The following RASA1 variants were observed in gnomAD, a reference collection of about 807,000 sequenced individuals.
The protein encoded by RASA1 is RAS p21 protein activator 1.
Under a neutral mutation model 132.2 loss-of-function variants are expected in RASA1, and 25 were observed. The ratio of observed to expected loss-of-function variants is 0.19; its 90% CI spans 0.14 to 0.26. RASA1 has a LOEUF of 0.26. Ranked by LOEUF, RASA1 falls within the 10% of genes least tolerant of loss-of-function variation. RASA1 has a pLI of 1.00. For missense variants in RASA1, 964 were observed against 1,299.2 expected (o/e 0.74, Z 3.97); for synonymous variants, 477 against 449.9 (o/e 1.06, Z -0.76).
intron 1 of RASA1, among the ~76,000 whole-genome samples, chr5:87,303,424 T>A (rs923143440): frequency 6.6e-6 from 1 of 152,084 alleles, no homozygotes; most frequent in African/African-American, 2.4e-5. Context: ...CTTAAATAAT[T>A]CTTCTCAGTC....
At chr5:87,376,123 T>C in intron 15 of RASA1, 5 of 483,298 alleles carry the variant, frequency 1.0e-5, no homozygotes, top group South Asian at 8.6e-5. Flanking sequence ...TGAAACATAA[T>C]TGATTTCTTG....
chr5:87,286,837 TACCATATATATATAC>T (rs1754588172), intron 1 of RASA1, among the ~76,000 whole-genome samples: 1 of 149,826 alleles, frequency 6.7e-6, no homozygotes, highest in African/African-American at 2.5e-5. Context: ...CATATATATA[TACCATATATATATAC>T]ACCATATACA....
intron 23 of RASA1, 94 bp downstream of exon 23, chr5:87,386,997 A>T: frequency 8.5e-7 from 1 of 1,182,484 alleles, no homozygotes; most frequent in Non-Finnish European, 1.2e-6. Context: ...AAGATTTTCT[A>T]TCCAAAACTA....
intron 2 of RASA1, among the ~76,000 whole-genome samples, chr5:87,331,767 TTGAG>T (rs1351505588): frequency 1.3e-5 from 2 of 152,258 alleles, no homozygotes; most frequent in African/African-American, 4.8e-5. Context: ...CAAATAAACT[TTGAG>T]TGGTAAGGCT....
At chr5:87,383,912 C>A in intron 21 of RASA1, 132 bp downstream of exon 21, 1 of 786,764 alleles carries the variant, frequency 1.3e-6, no homozygotes, top group South Asian at 1.8e-5. Flanking sequence ...TGAAGTATTC[C>A]AAAGCACCCT....
At chr5:87,308,168 T>A (rs1755708635) in intron 1 of RASA1, among the ~76,000 whole-genome samples, 1 of 151,920 alleles carries the variant, frequency 6.6e-6, no homozygotes, top group South Asian at 2.1e-4. Context: ...CTGTTGAAAG[T>A]TCTGCTGGAT....
At chr5:87,382,124 G>A (rs1761759523) in intron 20 of RASA1, among the ~76,000 whole-genome samples, 1 of 151,958 alleles carries the variant, frequency 6.6e-6, no homozygotes, top group Non-Finnish European at 1.5e-5. Context: ...GGCTATTTTT[G>A]TATTTTTAGT....
At chr5:87,371,085 T>A (rs1423142631) in intron 12 of RASA1, among the ~76,000 whole-genome samples, 1 of 152,120 alleles carries the variant, frequency 6.6e-6, no homozygotes, top group Admixed American at 6.6e-5. Flanking sequence ...CAGTATCCTA[T>A]TTTCTAAGTA....
At chr5:87,365,273 C>A (rs1031390130) in intron 11 of RASA1, among the ~76,000 whole-genome samples, 1 of 152,016 alleles carries the variant, frequency 6.6e-6, no homozygotes, top group Admixed American at 6.6e-5. Flanking sequence ...TTATAACACT[C>A]GAAATCATAT....
intron 5 of RASA1, among the ~76,000 whole-genome samples, chr5:87,339,382 T>G (rs918215725): frequency 6.6e-6 from 1 of 152,126 alleles, no homozygotes; most frequent in Non-Finnish European, 1.5e-5. Context: ...GTAAAAGAGA[T>G]ATTTACTCCA....
chr5:87,315,783 G>A (rs1580239863), intron 1 of RASA1, among the ~76,000 whole-genome samples: 1 of 152,166 alleles, frequency 6.6e-6, no homozygotes, highest in East Asian at 1.9e-4. Context: ...TAATCAAGCA[G>A]ATTAAATACT....
chr5:87,307,513 GTTAATA>G (rs1755674843), intron 1 of RASA1, among the ~76,000 whole-genome samples: 1 of 152,082 alleles, frequency 6.6e-6, no homozygotes, highest in Non-Finnish European at 1.5e-5. Context: ...CTAATCTGCT[GTTAATA>G]TTATATTTAG....
intron 18 of RASA1, among the ~76,000 whole-genome samples, chr5:87,379,035 CACAT>C (rs1284608097): frequency 6.6e-6 from 1 of 152,126 alleles, no homozygotes; most frequent in Non-Finnish European, 1.5e-5. Flanking sequence ...GAATCTCACA[CACAT>C]ATTCTCTCAT....
At position 87,346,039 on chromosome 5, in the gene RASA1, A is replaced by G. The variant is rs572980103; in HGVS notation, c.1050-633A>G. On this transcript the variant is annotated intron_variant, in intron 6 of 24. Transcript: ENST00000274376. ...TTATTGTATGCTCTATGTCTTGACTATGATGCCTTTTATAATAATTTCTAA... is the reference window on the plus strand; with the variant it reads ...TTATTGTATGCTCTATGTCTTGACTGTGATGCCTTTTATAATAATTTCTAA... Among the ~76,000 whole-genome samples the G allele has an allele frequency of 5.0e-4, 76 of 152,246 alleles. 1 individual carries two copies. The highest frequency in any genetic ancestry group is 1.8e-3 in the African/African-American group (75 of 41,578).
intron 8 of RASA1, 54 bp from the exon 9 acceptor site, chr5:87,353,103 A>T: frequency 2.1e-6 from 3 of 1,403,502 alleles, no homozygotes; most frequent in Non-Finnish European, 3.0e-6. Context: ...CATATTTTTA[A>T]AGATTTTGCA....
chr5:87,310,092 G>A (rs970199060), intron 1 of RASA1, among the ~76,000 whole-genome samples: 1 of 152,034 alleles, frequency 6.6e-6, no homozygotes, highest in African/African-American at 2.4e-5. Context: ...TGTTGGTTGG[G>A]GCAAGTAATG....
At chr5:87,378,322 T>G in intron 17 of RASA1, 74 bp from the exon 18 acceptor site, 1 of 1,531,492 alleles carries the variant, frequency 6.5e-7, no homozygotes, top group Non-Finnish European at 9.0e-7. Context: ...GTAAAATGAA[T>G]TCACTTAATT....
rs12109912 is a variant in RASA1 at position 87,383,649 on chromosome 5, T to C, written c.2691-64T>C. 0.013 allele frequency: 16,257 copies of C among 1,250,540 alleles called. 249 individuals are homozygous for C. The highest frequency in any genetic ancestry group is 0.057 in the African/African-American group (3,706 of 65,146). 77.5% of individuals were successfully genotyped at this position (1,250,540 alleles called of 1,614,324 possible). A position where few individuals can be genotyped will look rare whatever the true frequency, so the allele number is the denominator to read the frequency against. ...AAAAATTCTGTTTATATATATTGTT[T>C]TAATGTAACACATTATATAGGTGTT... On this transcript the variant is annotated intron_variant, in intron 20 of 24. Transcript: ENST00000274376.
At chr5:87,305,943 G>T (rs1755588726) in intron 1 of RASA1, among the ~76,000 whole-genome samples, 1 of 152,186 alleles carries the variant, frequency 6.6e-6, no homozygotes, top group Admixed American at 6.5e-5. Flanking sequence ...GTCAGCATGG[G>T]TGTTATTAAG....
Sources: allele counts gnomAD v4.1 joint callset (sites outside exome capture counted in the v4.1 genomes callset), GRCh38; gene constraint gnomAD v4.1.1; transcripts MANE v1.5; gene names NCBI Gene and HGNC (gene_info 2026-07-23, HGNC 2026-07-21).